The following RASL10B variants were observed in gnomAD, a reference collection of about 807,000 sequenced individuals.
RASL10B encodes RAS like family 10 member B.
RASL10B carries 10 observed loss-of-function variants against 20.7 expected under a neutral mutation model. The observed-to-expected ratio is 0.48, with a 90% CI of 0.30 to 0.82. RASL10B has a LOEUF of 0.82. RASL10B is among the 40% of genes least tolerant of loss of function. The probability of loss-of-function intolerance (pLI) is 0.07; values close to 1 mark genes in which losing one functional copy is unlikely to be tolerated. For synonymous variants in RASL10B, 110 were observed against 123.3 expected (o/e 0.89, Z 0.72); for missense variants, 231 against 295.4 (o/e 0.78, Z 1.60).
Position 35,735,449 on chromosome 17 carries a change from G to C in RASL10B, c.216+49G>C, listed in dbSNP as rs781885872. The C allele has an allele frequency of 6.3e-7, 1 of 1,580,252 alleles. No individual in the cohort carries two copies. The highest frequency in any genetic ancestry group is 8.7e-7 in the Non-Finnish European group (1 of 1,152,724). On this transcript the variant is annotated intron_variant, in intron 2 of 3. Transcript: ENST00000603017. This position sits in a 1 kb window ranked among gnomAD's most constrained non-coding sequence, Gnocchi z 6.7. ...GGTTAGTGGGGAAACGGATGGGTAG[G>C]GGAGAGGCTGGATTCCAAACTGCTG...
Position 35,735,320 on chromosome 17 carries a change from G to A in RASL10B, c.136G>A (p.Val46Ile). Residue 46 changes from valine (V) to isoleucine (I), a missense_variant, in exon 2 of 4, where the codon GTC (valine) becomes ATC (isoleucine). Coordinates refer to ENST00000603017, the MANE Select transcript of RASL10B (RefSeq NM_033315.4). The surrounding 1 kb of genome is among the most constrained non-coding windows in gnomAD (Gnocchi z 6.7). ...CGCCCGCCGCCTTTACCTGCCTGCTGTCGTCATGAACGGCCACGTGCACGA... is the reference window on the plus strand; with the variant it reads ...CGCCCGCCGCCTTTACCTGCCTGCTATCGTCATGAACGGCCACGTGCACGA... ...TTARRLYLPA[V>I]VMNGHVHDLQ... The A allele has an allele frequency of 6.2e-7, 1 of 1,614,206 alleles. No individual in the cohort carries two copies. Among genetic ancestry groups the A allele is most frequent in the South Asian group, 1.1e-5 (1 of 91,090 alleles).
chr17:35,733,552 T>C lies in RASL10B; in HGVS notation c.-147-1486T>C, dbSNP rs8082146. The stretch of plus-strand genomic sequence containing the variant: ...TGCATATGTGGAAAGAACATGCATC[T>C]GCAGAGAAGTATGCACCCATGCGGA... On this transcript the variant is annotated intron_variant, in intron 1 of 3. Coordinates refer to ENST00000603017, the MANE Select transcript of RASL10B (RefSeq NM_033315.4). Among the ~76,000 whole-genome samples, 706 of 152,346 alleles carry C rather than the reference T, an allele frequency of 4.6e-3. 2 individuals carry two copies. Among genetic ancestry groups the C allele is most frequent in the African/African-American group, 0.016 (670 of 41,578 alleles).
In RASL10B at chr17:35,735,667, T is replaced by A. The variant is rs178940; in HGVS notation, c.216+267T>A. ...TGGTGCAGAATGGTGAGCAAAAAAT[T>A]TATGGAATTTGCTTTCAAGAAACTC... On this transcript the variant is annotated intron_variant, in intron 2 of 3. Transcript: ENST00000603017. The surrounding 1 kb of genome is among the most constrained non-coding windows in gnomAD (Gnocchi z 6.7). Among the ~76,000 whole-genome samples the A allele has an allele frequency of 0.38, 57,810 of 152,132 alleles. 11,979 individuals are homozygous for A. The highest frequency in any genetic ancestry group is 0.56 in the African/African-American group (23,178 of 41,498).
In RASL10B at chr17:35,741,469, C is replaced by A; in HGVS notation, c.*164C>A. The A allele has an allele frequency of 9.3e-7, 1 of 1,071,782 alleles. No homozygotes were observed. The highest frequency in any genetic ancestry group is 1.2e-6 in the Non-Finnish European group (1 of 801,912). 66.4% of individuals were successfully genotyped at this position (1,071,782 alleles called of 1,614,324 possible). On this transcript the variant is annotated 3_prime_UTR_variant, in exon 4 of 4. Coordinates refer to ENST00000603017, the MANE Select transcript of RASL10B (RefSeq NM_033315.4). Reference sequence around the variant, plus strand: ...GTGAGAAGCAGAGCGCGAGAGGGAGCCCTCCGTAACTGCCCAGCCCTGCCC... The same window carrying A: ...GTGAGAAGCAGAGCGCGAGAGGGAGACCTCCGTAACTGCCCAGCCCTGCCC...
In RASL10B at chr17:35,743,280, G is replaced by A. The variant is rs117086316; in HGVS notation, c.*1975G>A. The A allele has an allele frequency of 0.056, 8,503 of 152,852 alleles. 350 individuals are homozygous for A. The highest frequency in any genetic ancestry group is 0.16 in the South Asian group (750 of 4,832). The allele number at this position is 152,852 out of a possible 1,614,324, so 9.5% of individuals were successfully genotyped here. ...CCTGGGGTGGGGGGGCGGAGCCCAG[G>A]CCTCTGGCTGCTCCCCTGTGGGAGC... is the stretch of plus-strand genomic sequence containing the variant. On this transcript the variant is annotated 3_prime_UTR_variant, in exon 4 of 4. Coordinates refer to ENST00000603017, the MANE Select transcript of RASL10B (RefSeq NM_033315.4).
chr17:35,741,007 G>A (rs374401536), intron 3 of RASL10B, 28 bp from the exon 4 acceptor site: 5 of 1,562,548 alleles, frequency 3.2e-6, no homozygotes, highest in Non-Finnish European at 4.4e-6. Context: ...GGCTGACAGA[G>A]TTCTGAGCTG....
chr17:35,738,220 A>G (rs587599105), intron 2 of RASL10B, among the ~76,000 whole-genome samples: 2 of 151,640 alleles, frequency 1.3e-5, no homozygotes, highest in African/African-American at 2.4e-5. Context: ...CCATTTTTCT[A>G]TTGGGTTGTT....
At chr17:35,734,104 G>A (rs1644135171) in intron 1 of RASL10B, among the ~76,000 whole-genome samples, 1 of 152,212 alleles carries the variant, frequency 6.6e-6, no homozygotes, top group Non-Finnish European at 1.5e-5. Flanking sequence ...AGGCCAACAT[G>A]GCGAAACCCC....
chr17:35,739,731 GCTTGGGC>G (rs2143020248), intron 2 of RASL10B, among the ~76,000 whole-genome samples: 1 of 152,340 alleles, frequency 6.6e-6, no homozygotes, highest in African/African-American at 2.4e-5. Context: ...ATTGATCCCA[GCTTGGGC>G]CATGGAGAGC....
chr17:35,738,200 T>C (rs2085606707), intron 2 of RASL10B, among the ~76,000 whole-genome samples: 1 of 152,078 alleles, frequency 6.6e-6, no homozygotes, highest in Non-Finnish European at 1.5e-5. Flanking sequence ...GAACTATTGA[T>C]GTCCTTTGCC....
chr17:35,735,488 A>G lies in RASL10B; in HGVS notation c.216+88A>G, dbSNP rs2085586107. ...TCCAAACTGCTGTAGCTTGGGCCCT[A>G]TTGCCAGGGCCCCATCACTGAGTTT... On this transcript the variant is annotated intron_variant, in intron 2 of 3. Coordinates refer to ENST00000603017, the MANE Select transcript of RASL10B (RefSeq NM_033315.4). This position sits in a 1 kb window ranked among gnomAD's most constrained non-coding sequence, Gnocchi z 6.7. The G allele has an allele frequency of 9.2e-6, 12 of 1,307,266 alleles. No individual in the cohort carries two copies. The highest frequency in any genetic ancestry group is 1.9e-5 in the Admixed American group (1 of 53,142). The allele number at this position is 1,307,266 out of a possible 1,614,324, so 81.0% of individuals were successfully genotyped here.
At chr17:35,737,232 A>T (rs1568091042) in intron 2 of RASL10B, among the ~76,000 whole-genome samples, 1 of 152,106 alleles carries the variant, frequency 6.6e-6, no homozygotes, top group African/African-American at 2.4e-5. Flanking sequence ...ATCTCGAACT[A>T]CTGGCCTCAA....
chr17:35,737,827 C>T (rs898060760), intron 2 of RASL10B, among the ~76,000 whole-genome samples: 7 of 149,884 alleles, frequency 4.7e-5, no homozygotes, highest in African/African-American at 9.8e-5. Context: ...CGCCTGAGGC[C>T]GGGAGGTTGA....
chr17:35,740,807 C>T (rs1555597821), intron 3 of RASL10B, among the ~76,000 whole-genome samples: 1 of 152,190 alleles, frequency 6.6e-6, no homozygotes, highest in Non-Finnish European at 1.5e-5. Flanking sequence ...TGACTTGAAG[C>T]CAGTAAACAT....
In RASL10B at chr17:35,735,521, C is replaced by G. The variant is rs1275572261; in HGVS notation, c.216+121C>G. 1.1e-6 allele frequency: 1 copy of G among 889,812 alleles called. No individual in the cohort carries two copies. The highest frequency in any genetic ancestry group is 1.7e-5 in the African/African-American group (1 of 60,296). 55.1% of individuals were successfully genotyped at this position (889,812 alleles called of 1,614,324 possible). ...GGCCCCATCACTGAGTTTGGGAGCTCCACACTGCACCTTGGGCCACTCTGC... is the reference window on the plus strand; with the variant it reads ...GGCCCCATCACTGAGTTTGGGAGCTGCACACTGCACCTTGGGCCACTCTGC... On this transcript the variant is annotated intron_variant, in intron 2 of 3. Transcript: ENST00000603017. This position sits in a 1 kb window ranked among gnomAD's most constrained non-coding sequence, Gnocchi z 6.7.
At position 35,741,294 on chromosome 17, in the gene RASL10B, G is replaced by A. The variant is rs2085627673; in HGVS notation, c.601G>A (p.Ala201Thr). Residue 201 changes from alanine (A) to threonine (T), a missense_variant, in exon 4 of 4, where the codon GCC becomes ACC. Physicochemically the swap from Ala to Thr is moderately conservative, Grantham distance 58. Transcript: ENST00000603017. The stretch of plus-strand genomic sequence containing the variant: ...GGGCGCGCTGCGCCGCAACCGCTGC[G>A]CCATCATGTGACGCCTGCGCGCCCC... Reference protein sequence around the residue: ...FQGALRRNRCAIM With the variant: ...FQGALRRNRCTIM The A allele has an allele frequency of 2.7e-6, 4 of 1,506,548 alleles. No individual in the cohort carries two copies. In the East Asian group the frequency reaches 7.7e-5, roughly 29 times the overall value. The allele number at this position is 1,506,548 out of a possible 1,614,324, so 93.3% of individuals were successfully genotyped here. A position where few individuals can be genotyped will look rare whatever the true frequency, so the allele number is the denominator to read the frequency against.
At chr17:35,732,962 C>A (rs1367780343) in intron 1 of RASL10B, among the ~76,000 whole-genome samples, 1 of 152,098 alleles carries the variant, frequency 6.6e-6, no homozygotes, top group African/African-American at 2.4e-5. Flanking sequence ...GGTACTTCCC[C>A]CTAGTTGGGA....
chr17:35,743,267 G>C lies in RASL10B; in HGVS notation c.*1962G>C, dbSNP rs587756238. ...CAACTCTGAGGCACCTGGGGTGGGG[G>C]GGCGGAGCCCAGGCCTCTGGCTGCT... On this transcript the variant is annotated 3_prime_UTR_variant, in exon 4 of 4. Transcript: ENST00000603017. 6.5e-6 allele frequency: 1 copy of C among 152,980 alleles called. No homozygotes were observed. Among genetic ancestry groups the C allele is most frequent in the South Asian group, 2.1e-4 (1 of 4,838 alleles). The allele number at this position is 152,980 out of a possible 1,614,324, so 9.5% of individuals were successfully genotyped here.
chr17:35,735,464 C>G lies in RASL10B; in HGVS notation c.216+64C>G. ...GGATGGGTAGGGGAGAGGCTGGATT[C>G]CAAACTGCTGTAGCTTGGGCCCTAT... On this transcript the variant is annotated intron_variant, in intron 2 of 3. Transcript: ENST00000603017. The surrounding 1 kb of genome is among the most constrained non-coding windows in gnomAD (Gnocchi z 6.7). 4.6e-6 allele frequency: 7 copies of G among 1,535,940 alleles called. No individual in the cohort carries two copies. Among genetic ancestry groups the G allele is most frequent in the Non-Finnish European group, 6.3e-6 (7 of 1,117,466 alleles).
Sources: allele counts gnomAD v4.1 joint callset (sites outside exome capture counted in the v4.1 genomes callset), GRCh38; gene constraint gnomAD v4.1.1; non-coding constraint Gnocchi (gnomAD v3.1); transcripts MANE v1.5; gene names NCBI Gene and HGNC (gene_info 2026-07-23, HGNC 2026-07-21).